Variants in CNST observed in about 807,000 individuals in gnomAD.
CNST encodes consortin.
In CNST, 39 loss-of-function variants were observed where a neutral mutation model predicts 72.4. The ratio of observed to expected loss-of-function variants is 0.54; its 90% CI spans 0.42 to 0.70. The LOEUF is 0.70. Among genes scored for constraint, CNST ranks in the 30% least tolerant of loss-of-function variants. The pLI is 0.00. For missense variants in CNST, 871 were observed against 868.5 expected, an observed-to-expected ratio of 1.00 and a Z score of -0.04; for synonymous variants, 332 against 320.1, an observed-to-expected ratio of 1.04 and a Z score of -0.40.
At chr1:246,618,180 T>A (rs1049456892) in intron 2 of CNST, among the ~76,000 whole-genome samples, 59 of 152,350 alleles carry the variant, frequency 3.9e-4, no homozygotes, top group African/African-American at 1.4e-3. Flanking sequence ...ATTTCTTATG[T>A]AGCAAAACCT....
In CNST at chr1:246,591,806, G is replaced by C; in HGVS notation, c.244G>C (p.Ala82Pro). ...NESCTLSCEV[A>P]AGENLQNTLC... ...AAGCTGCACATTGAGCTGCGAGGTG[G>C]CTGCAGGTGAGAACTTGCAAAACAC... The change falls in exon 2 of 11, where the codon GCT becomes CCT. Residue 82 changes from alanine (A) to proline (P), a missense_variant. Ala to Pro is a conservative substitution (Grantham distance 27). Coordinates refer to ENST00000366513, the MANE Select transcript of CNST (RefSeq NM_152609.3). 1 of 1,614,016 alleles carries C rather than the reference G, an allele frequency of 6.2e-7. No individual in the cohort carries two copies.
At chr1:246,580,629 G>GTATC (rs1254147729) in intron 1 of CNST, among the ~76,000 whole-genome samples, 2 of 152,070 alleles carry the variant, frequency 1.3e-5, no homozygotes, top group African/African-American at 4.8e-5. Flanking sequence ...CAAAAAGGAG[G>GTATC]TATCTCTTTA....
chr1:246,603,201 C>T (rs551868560), intron 2 of CNST, among the ~76,000 whole-genome samples: 18 of 152,202 alleles, frequency 1.2e-4, no homozygotes, highest in South Asian at 2.1e-4. Flanking sequence ...TAGATATAAG[C>T]ATATAGGCTA....
intron 9 of CNST, among the ~76,000 whole-genome samples, chr1:246,654,319 CTA>C (rs2103151798): frequency 6.6e-6 from 1 of 152,320 alleles, no homozygotes; most frequent in East Asian, 1.9e-4. Flanking sequence ...TTCCACATAC[CTA>C]TCTCTTCCCA....
chr1:246,639,728 T>C (rs1380331747), intron 6 of CNST, among the ~76,000 whole-genome samples: 2 of 152,156 alleles, frequency 1.3e-5, no homozygotes, highest in East Asian at 3.9e-4. Flanking sequence ...GGCACTAGTA[T>C]TTGTTCAAAT....
At chr1:246,645,093 G>A (rs1424635048) in intron 8 of CNST, among the ~76,000 whole-genome samples, 1 of 152,102 alleles carries the variant, frequency 6.6e-6, no homozygotes, top group East Asian at 1.9e-4. Flanking sequence ...TTTGAGTCAG[G>A]GTGTCAGGGG....
intron 2 of CNST, among the ~76,000 whole-genome samples, chr1:246,616,119 A>G (rs1485520822): frequency 6.6e-6 from 1 of 152,212 alleles, no homozygotes; most frequent in East Asian, 1.9e-4. Context: ...TTGTCTAGCT[A>G]TATGGATTCA....
At chr1:246,642,412 T>C (rs956180798) in intron 8 of CNST, among the ~76,000 whole-genome samples, 1 of 152,248 alleles carries the variant, frequency 6.6e-6, no homozygotes, top group East Asian at 1.9e-4. Context: ...CCAACAGTTA[T>C]TGTATACACT....
intron 2 of CNST, among the ~76,000 whole-genome samples, chr1:246,599,530 C>T (rs1385102122): frequency 6.6e-6 from 1 of 152,202 alleles, no homozygotes; most frequent in African/African-American, 2.4e-5. Flanking sequence ...GACCAGCTGA[C>T]ACTTCTGCCT....
At chr1:246,595,220 A>G (rs1467042348) in intron 2 of CNST, among the ~76,000 whole-genome samples, 1 of 152,158 alleles carries the variant, frequency 6.6e-6, no homozygotes, top group Non-Finnish European at 1.5e-5. Flanking sequence ...AATCCTTTCT[A>G]GATGTGGAAG....
At chr1:246,624,772 C>T (rs1664310254) in intron 3 of CNST, among the ~76,000 whole-genome samples, 1 of 152,122 alleles carries the variant, frequency 6.6e-6, no homozygotes, top group Non-Finnish European at 1.5e-5. Flanking sequence ...CAAATTTTTG[C>T]TCTGTTTTTT....
At chr1:246,610,008 C>T (rs1038126180) in intron 2 of CNST, among the ~76,000 whole-genome samples, 1 of 152,172 alleles carries the variant, frequency 6.6e-6, no homozygotes. Context: ...CCCAGCCAGG[C>T]GCAGTGGCTC....
At chr1:246,635,328 A>G (rs1572213460) in intron 6 of CNST, among the ~76,000 whole-genome samples, 1 of 151,924 alleles carries the variant, frequency 6.6e-6, no homozygotes, top group African/African-American at 2.4e-5. Context: ...AAGAGTTTTA[A>G]TGGCTTTTAT....
intron 6 of CNST, among the ~76,000 whole-genome samples, chr1:246,636,414 C>G (rs1665244755): frequency 6.6e-6 from 1 of 152,144 alleles, no homozygotes; most frequent in Non-Finnish European, 1.5e-5. Context: ...GCCACGGCCA[C>G]TGTTCACTCC....
rs185417194 is a variant in CNST, at chr1:246,581,957, G to A, written c.-51-9555G>A. Reference sequence around the variant, plus strand: ...TATCTAATTAATTTAATGGTATCCAGTATAATATAATATCCTTTAACTGGG... The same window carrying A: ...TATCTAATTAATTTAATGGTATCCAATATAATATAATATCCTTTAACTGGG... On this transcript the variant is annotated intron_variant, in intron 1 of 10. Coordinates refer to ENST00000366513, the MANE Select transcript of CNST (RefSeq NM_152609.3). 5.3e-3 allele frequency among the ~76,000 whole-genome samples: 807 copies of A among 152,258 alleles called. 6 individuals carry two copies. The highest frequency in any genetic ancestry group is 9.1e-3 in the Non-Finnish European group (619 of 68,030).
intron 9 of CNST, among the ~76,000 whole-genome samples, chr1:246,649,179 T>G: frequency 6.7e-6 from 1 of 148,812 alleles, no homozygotes; most frequent in African/African-American, 2.5e-5. Context: ...TTTTTTTTCG[T>G]AGTTTTTGCT....
chr1:246,602,550 C>T (rs1360926999), intron 2 of CNST, among the ~76,000 whole-genome samples: 1 of 152,184 alleles, frequency 6.6e-6, no homozygotes, highest in Non-Finnish European at 1.5e-5. Context: ...AGAGAGAGCA[C>T]TCAACCTGGA....
intron 2 of CNST, among the ~76,000 whole-genome samples, chr1:246,605,154 TATG>T (rs1228746181): frequency 1.3e-5 from 2 of 152,166 alleles, no homozygotes; most frequent in East Asian, 3.8e-4. Flanking sequence ...ACAGGGAAAA[TATG>T]GTAAAATTTA....
At chr1:246,596,453 T>G (rs1558542080) in intron 2 of CNST, among the ~76,000 whole-genome samples, 2 of 152,080 alleles carry the variant, frequency 1.3e-5, no homozygotes, top group Non-Finnish European at 2.9e-5. Context: ...TGGCAAAGCT[T>G]TAGGTAAATA....
Sources: allele counts gnomAD v4.1 joint callset (sites outside exome capture counted in the v4.1 genomes callset), GRCh38; gene constraint gnomAD v4.1.1; transcripts MANE v1.5; gene names NCBI Gene and HGNC (gene_info 2026-07-23, HGNC 2026-07-21).